The following TMEM132C variants were observed in gnomAD, a reference collection of about 807,000 sequenced individuals.
TMEM132C encodes transmembrane protein 132C, also known as protein phosphatase 1, regulatory subunit 152.
TMEM132C carries 29 observed loss-of-function variants against 61.4 expected under a neutral mutation model. The observed-to-expected ratio is 0.47, with a 90% CI of 0.35 to 0.64. The LOEUF is 0.64. TMEM132C is among the 30% of genes least tolerant of loss of function. The probability of loss-of-function intolerance (pLI) is 0.00; values close to 1 mark genes in which losing one functional copy is unlikely to be tolerated. For synonymous variants in TMEM132C, 656 were observed against 633.1 expected (o/e 1.04, Z -0.54); for missense variants, 1,408 against 1,476.9 (o/e 0.95, Z 0.76).
chr12:128,390,541 C>A (rs1483882297), intron 1 of TMEM132C, among the ~76,000 whole-genome samples: 1 of 152,194 alleles, frequency 6.6e-6, no homozygotes, highest in African/African-American at 2.4e-5. Flanking sequence ...GATGATCCTC[C>A]TGGCTTACTA....
Position 128,490,541 on chromosome 12 carries a change from G to A in TMEM132C, c.975-53416G>A, listed in dbSNP as rs111352388. Among the ~76,000 whole-genome samples, 71 of 152,318 alleles carry A rather than the reference G, an allele frequency of 4.7e-4. 1 individual carries two copies. Among genetic ancestry groups the A allele is most frequent in the African/African-American group, 1.5e-3 (63 of 41,560 alleles). On this transcript the variant is annotated intron_variant, in intron 2 of 8. Transcript: ENST00000435159. ...CTGGAGACCTAAGCCAGTGAATAAT[G>A]ATGCATTCTGCAACTGCCACATTGA...
Position 128,415,006 on chromosome 12 carries a change from T to C in TMEM132C, c.360T>C (p.Gly120=), listed in dbSNP as rs1283372763. The change falls in exon 2 of 9, where the codon GGT becomes GGC. Residue 120 remains glycine (G), a synonymous_variant. Transcript: ENST00000435159. This position sits in a 1 kb window ranked among gnomAD's most constrained non-coding sequence, Gnocchi z 5.8. ...LDLMLTSNFL[G]PTNKFSFDWK... is the part of the protein sequence containing the mutation. ...TGATGTTGACTTCAAACTTTTTAGG[T>C]CCAACCAATAAGTTTAGTTTTGATT... 6.4e-7 allele frequency: 1 copy of C among 1,554,098 alleles called. No homozygotes were observed.
intron 1 of TMEM132C, among the ~76,000 whole-genome samples, chr12:128,332,769 C>T (rs1872694725): frequency 6.6e-6 from 1 of 152,252 alleles, no homozygotes. Flanking sequence ...GCTCTCCCTT[C>T]TTTTCCTCTA....
At chr12:128,334,528 A>C (rs1032652408) in intron 1 of TMEM132C, among the ~76,000 whole-genome samples, 1 of 152,114 alleles carries the variant, frequency 6.6e-6, no homozygotes, top group Non-Finnish European at 1.5e-5. Context: ...TTATCTCTTA[A>C]AATCTTAACC....
chr12:128,387,239 G>C (rs774081427), intron 1 of TMEM132C, among the ~76,000 whole-genome samples: 1 of 151,172 alleles, frequency 6.6e-6, no homozygotes, highest in Non-Finnish European at 1.5e-5. Flanking sequence ...TCGGGAACCC[G>C]CAGGACAAGT....
intron 2 of TMEM132C, among the ~76,000 whole-genome samples, chr12:128,453,770 C>T (rs1321336079): frequency 3.3e-5 from 5 of 152,132 alleles, no homozygotes; most frequent in East Asian, 3.8e-4. Flanking sequence ...GGCACCACCC[C>T]GCAGGGGCTG....
chr12:128,418,011 C>T (rs74955564), intron 2 of TMEM132C, among the ~76,000 whole-genome samples: 2 of 152,080 alleles, frequency 1.3e-5, no homozygotes, highest in African/African-American at 4.8e-5. Flanking sequence ...AGCGCAGCAG[C>T]CGTATTCCCT....
chr12:128,591,018 A>G (rs1035352765), intron 3 of TMEM132C, among the ~76,000 whole-genome samples: 1 of 152,160 alleles, frequency 6.6e-6, no homozygotes, highest in Admixed American at 6.5e-5. Flanking sequence ...CCTAGCCTCA[A>G]GTGATCCTCC....
At chr12:128,346,181 T>A (rs1164160232) in intron 1 of TMEM132C, among the ~76,000 whole-genome samples, 1 of 152,166 alleles carries the variant, frequency 6.6e-6, no homozygotes, top group Non-Finnish European at 1.5e-5. Flanking sequence ...CATTGCTTGT[T>A]TTTGTAAGGT....
chr12:128,327,361 G>GGTTT (rs72370132), intron 1 of TMEM132C, among the ~76,000 whole-genome samples: 3,865 of 146,956 alleles, frequency 0.026, 180 homozygotes, highest in Middle Eastern at 0.038. Context: ...GGCGCAGCTT[G>GGTTT]GTTTGTTTGT....
rs1565977094 is a variant in TMEM132C at position 128,570,080 on chromosome 12, GAA to G, written c.1121+25981_1121+25982del. Among the ~76,000 whole-genome samples the G allele has an allele frequency of 1.3e-5, 2 of 152,090 alleles. No individual in the cohort carries two copies. Among genetic ancestry groups the G allele is most frequent in the South Asian group, 4.2e-4 (2 of 4,814 alleles). On this transcript the variant is annotated intron_variant, in intron 3 of 8. Transcript: ENST00000435159. This position sits in a 1 kb window ranked among gnomAD's most constrained non-coding sequence, Gnocchi z 4.7. Reference sequence around the variant, plus strand: ...ACACTGTCCATATTAGGAAAAATATGAAAAAGCATATAACCCACCGTGAATAC... The same window carrying G: ...ACACTGTCCATATTAGGAAAAATATGAAAGCATATAACCCACCGTGAATAC...
intron 3 of TMEM132C, among the ~76,000 whole-genome samples, chr12:128,579,429 C>T (rs1309754760): frequency 6.6e-6 from 1 of 152,168 alleles, no homozygotes; most frequent in Non-Finnish European, 1.5e-5. Flanking sequence ...GCAAGGAGAA[C>T]ATGAACATGC....
At chr12:128,492,642 G>T (rs370287090) in intron 2 of TMEM132C, among the ~76,000 whole-genome samples, 2 of 152,138 alleles carry the variant, frequency 1.3e-5, no homozygotes, top group Admixed American at 6.5e-5. Flanking sequence ...GGCTGCATAA[G>T]TGTCTTCTTT....
At chr12:128,414,684 A>T in intron 1 of TMEM132C, 48 bp from the exon 2 acceptor site, 1 of 1,462,612 alleles carries the variant, frequency 6.8e-7, no homozygotes. Context: ...GCAGCCCATT[A>T]ATAATCCTGT....
At chr12:128,660,986 A>C (rs1386970545) in intron 4 of TMEM132C, among the ~76,000 whole-genome samples, 1 of 152,236 alleles carries the variant, frequency 6.6e-6, no homozygotes, top group Non-Finnish European at 1.5e-5. Context: ...AAGATAGATA[A>C]TACATAGATG....
intron 1 of TMEM132C, among the ~76,000 whole-genome samples, chr12:128,377,860 G>C (rs540076210): frequency 1.6e-4 from 25 of 152,346 alleles, no homozygotes; most frequent in African/African-American, 5.8e-4. Flanking sequence ...CTGAAGAGCA[G>C]TGTGGGCTCC....
chr12:128,603,053 A>T (rs1876256974), intron 3 of TMEM132C, among the ~76,000 whole-genome samples: 1 of 152,194 alleles, frequency 6.6e-6, no homozygotes, highest in African/African-American at 2.4e-5. Context: ...CATCTGAGGC[A>T]GTCACTTGGG....
intron 2 of TMEM132C, among the ~76,000 whole-genome samples, chr12:128,454,692 A>T (rs769305842): frequency 2.6e-5 from 4 of 152,192 alleles, no homozygotes; most frequent in Non-Finnish European, 5.9e-5. Context: ...CCTTGGCTGG[A>T]TGCTGAGCTG....
chr12:128,421,751 A>G (rs1273461190), intron 2 of TMEM132C, among the ~76,000 whole-genome samples: 1 of 152,230 alleles, frequency 6.6e-6, no homozygotes, highest in Admixed American at 6.5e-5. Context: ...TTGTAGCTAT[A>G]ACATTATTTT....
Sources: allele counts gnomAD v4.1 joint callset (sites outside exome capture counted in the v4.1 genomes callset), GRCh38; gene constraint gnomAD v4.1.1; non-coding constraint Gnocchi (gnomAD v3.1); transcripts MANE v1.5; gene names NCBI Gene and HGNC (gene_info 2026-07-23, HGNC 2026-07-21).